The following KDM4B variants were observed in gnomAD, a reference collection of about 807,000 sequenced individuals.
KDM4B encodes the protein lysine demethylase 4B, also known as lysine-specific demethylase 4B.
KDM4B carries 32 observed loss-of-function variants against 125.2 expected under a neutral mutation model. The ratio of observed to expected loss-of-function variants is 0.26; its 90% CI spans 0.19 to 0.34. The LOEUF is 0.34. Among genes scored for constraint, KDM4B ranks in the 10% least tolerant of loss-of-function variants. The pLI is 1.00. For synonymous variants in KDM4B, 721 were observed against 677.9 expected (o/e 1.06, Z -0.99); for missense variants, 1,190 against 1,577.7 (o/e 0.75, Z 4.16).
At chr19:5,033,748 TTCTC>T (rs142326261) in intron 3 of KDM4B, among the ~76,000 whole-genome samples, 43 of 151,456 alleles carry the variant, frequency 2.8e-4, no homozygotes, top group South Asian at 1.0e-3. Context: ...TTATTGGTTC[TTCTC>T]TCTCTCTCTC....
At chr19:5,129,143 C>G (rs1282063196) in intron 11 of KDM4B, among the ~76,000 whole-genome samples, 2 of 152,164 alleles carry the variant, frequency 1.3e-5, no homozygotes, top group Non-Finnish European at 2.9e-5. Context: ...GGGCGGTCCC[C>G]CAAGCCTGCA....
Position 5,035,331 on chromosome 19 carries a change from C to T in KDM4B, c.141+2300C>T, listed in dbSNP as rs943902335. Among the ~76,000 whole-genome samples the T allele has an allele frequency of 2.6e-5, 4 of 152,126 alleles. No homozygotes were observed. Among genetic ancestry groups the T allele is most frequent in the Admixed American group, 6.5e-5 (1 of 15,278 alleles). ...GCCCTTTCTGGCTTGGGATCCAAGG[C>T]GTCCTGATGTCAGGACGTTGAGGGG... On this transcript the variant is annotated intron_variant, in intron 3 of 22. Coordinates refer to ENST00000159111, the MANE Select transcript of KDM4B (RefSeq NM_015015.3). The surrounding 1 kb of genome is among the most constrained non-coding windows in gnomAD (Gnocchi z 5.3).
At chr19:5,147,479 C>T (rs2039871679) in intron 21 of KDM4B, among the ~76,000 whole-genome samples, 1 of 152,088 alleles carries the variant, frequency 6.6e-6, no homozygotes, top group South Asian at 2.1e-4. Flanking sequence ...GGCGCGGGGG[C>T]TCATGCTGTG....
Position 5,020,287 on chromosome 19 carries a change from A to G in KDM4B, c.-26+3948A>G, listed in dbSNP as rs148450644. ...ACAGGTGTTGGTATGCAGATGGTGT[A>G]GATGTTGGTGTGCAGGTGTTGGTGT... On this transcript the variant is annotated intron_variant, in intron 2 of 22. Coordinates refer to ENST00000159111, the MANE Select transcript of KDM4B (RefSeq NM_015015.3). 5.3e-3 allele frequency among the ~76,000 whole-genome samples: 542 copies of G among 101,582 alleles called. 4 individuals are homozygous for G. The Middle Eastern group carries it at 0.067, about 13-fold the overall frequency. The allele number at this position is 101,582 out of a possible 152,430, so 66.6% of individuals were successfully genotyped here. A position where few individuals can be genotyped will look rare whatever the true frequency, so the allele number is the denominator to read the frequency against.
chr19:5,019,558 ATTGGTGTGGATG>A (rs1337599965), intron 2 of KDM4B, among the ~76,000 whole-genome samples: 2 of 44,598 alleles, frequency 4.5e-5, no homozygotes, highest in African/African-American at 1.8e-4. Context: ...GTGTGCAGGT[ATTGGTGTGGATG>A]TTGGTGTGCA....
chr19:5,143,281 C>T (rs2039777472), intron 18 of KDM4B, among the ~76,000 whole-genome samples: 1 of 151,328 alleles, frequency 6.6e-6, no homozygotes, highest in Non-Finnish European at 1.5e-5. Context: ...TATGATCGCG[C>T]CGTGTGCTCC....
Position 5,082,512 on chromosome 19 carries a change from C to T in KDM4B, c.918+8C>T. On this transcript the variant is annotated splice_region_variant and intron_variant, in intron 9 of 22. Coordinates refer to ENST00000159111, the MANE Select transcript of KDM4B (RefSeq NM_015015.3). The surrounding 1 kb of genome is among the most constrained non-coding windows in gnomAD (Gnocchi z 5.4). The stretch of plus-strand genomic sequence containing the variant: ...GGCAAAGTGGCCACTCAGGTAAAAG[C>T]TTGCCTGCTGGGAACGGGTCCCAGC... 6.3e-7 allele frequency: 1 copy of T among 1,588,668 alleles called. No homozygotes were observed. Among genetic ancestry groups the T allele is most frequent in the Non-Finnish European group, 8.6e-7 (1 of 1,167,022 alleles).
chr19:5,056,895 GT>G (rs1814658520), intron 6 of KDM4B, among the ~76,000 whole-genome samples: 2 of 58,224 alleles, frequency 3.4e-5, no homozygotes, highest in African/African-American at 7.1e-5. Context: ...GGGGCGGGGA[GT>G]CCTGGGGCGG....
At chr19:5,090,400 CT>C in intron 9 of KDM4B, among the ~76,000 whole-genome samples, 2 of 51,696 alleles carry the variant, frequency 3.9e-5, no homozygotes, top group Middle Eastern at 7.8e-3. Context: ...CCCCCTCTCT[CT>C]CTCTCTCCCC....
chr19:5,110,469 C>T (rs2039118391), intron 9 of KDM4B, among the ~76,000 whole-genome samples, 153 bp from the exon 10 acceptor site: 1 of 152,164 alleles, frequency 6.6e-6, no homozygotes, highest in Non-Finnish European at 1.5e-5. Context: ...GAGACCGTGT[C>T]TCGAAAAGAA....
intron 7 of KDM4B, chr19:5,076,233 TC>T (rs1434996230): frequency 2.4e-5 from 1 of 41,140 alleles, no homozygotes; most frequent in African/African-American, 1.0e-4. Flanking sequence ...TTCCCCAGGG[TC>T]GTGCTCTCTC....
chr19:5,144,500 G>GTGGGGCC, intron 20 of KDM4B, 88 bp downstream of exon 20: 6 of 1,159,802 alleles, frequency 5.2e-6, no homozygotes, highest in African/African-American at 1.6e-5. Context: ...GAGCTGTGGG[G>GTGGGGCC]GTGGGCGGGG....
At chr19:5,010,717 C>T (rs558596960) in intron 1 of KDM4B, among the ~76,000 whole-genome samples, 4 of 152,246 alleles carry the variant, frequency 2.6e-5, no homozygotes, top group Admixed American at 6.5e-5. Context: ...GCGCGATCTT[C>T]GCTCACTGCA....
chr19:5,001,742 A>G (rs558339580), intron 1 of KDM4B, among the ~76,000 whole-genome samples: 1 of 152,284 alleles, frequency 6.6e-6, no homozygotes, highest in South Asian at 2.1e-4. Flanking sequence ...GTGCTGTTTC[A>G]TGTCTAAATA....
intron 21 of KDM4B, among the ~76,000 whole-genome samples, chr19:5,149,014 C>T (rs1249891361): frequency 6.6e-6 from 1 of 152,228 alleles, no homozygotes; most frequent in Non-Finnish European, 1.5e-5. Context: ...GCACTCCCAG[C>T]CCTGCTTCTC....
chr19:5,001,897 G>A (rs888149160), intron 1 of KDM4B, among the ~76,000 whole-genome samples: 1 of 151,786 alleles, frequency 6.6e-6, no homozygotes, highest in African/African-American at 2.4e-5. Context: ...CTTTTCACTT[G>A]CTTTTTTCTA....
chr19:5,107,674 G>A (rs907854643), intron 9 of KDM4B, among the ~76,000 whole-genome samples: 2 of 152,214 alleles, frequency 1.3e-5, no homozygotes, highest in African/African-American at 4.8e-5. Flanking sequence ...GCACGCAGCC[G>A]ATCAGAAGAG....
At chr19:5,137,206 G>A (rs2039663848) in intron 15 of KDM4B, 56 bp from the exon 16 acceptor site, 11 of 1,357,924 alleles carry the variant, frequency 8.1e-6, no homozygotes, top group Admixed American at 6.2e-5. Flanking sequence ...AGTTTCACTC[G>A]GCTCCCCAAG....
intron 6 of KDM4B, among the ~76,000 whole-genome samples, chr19:5,047,872 A>G (rs1027236669): frequency 6.6e-6 from 1 of 152,176 alleles, no homozygotes; most frequent in Non-Finnish European, 1.5e-5. Context: ...CCAGAGCCGA[A>G]GCTCCCAGGC....
Sources: allele counts gnomAD v4.1 joint callset (sites outside exome capture counted in the v4.1 genomes callset), GRCh38; gene constraint gnomAD v4.1.1; non-coding constraint Gnocchi (gnomAD v3.1); transcripts MANE v1.5; gene names NCBI Gene and HGNC (gene_info 2026-07-23, HGNC 2026-07-21).